The following FGGY variants were observed in gnomAD, a reference collection of about 807,000 sequenced individuals.
FGGY encodes FGGY carbohydrate kinase domain-containing protein.
A neutral mutation model predicts 71.3 loss-of-function variants in FGGY; 72 were observed. The observed-to-expected ratio is 1.01, with a 90% CI of 0.84 to 1.23. The LOEUF (loss-of-function observed/expected upper bound fraction) is 1.23. FGGY is among the 50% of genes most tolerant of loss of function. FGGY has a pLI of 0.00. For missense variants in FGGY, 668 were observed against 682.3 expected (o/e 0.98, Z 0.23); for synonymous variants, 251 against 250.3 (o/e 1.00, Z -0.02).
At chr1:59,723,570 G>A (rs899109668) in intron 14 of FGGY, among the ~76,000 whole-genome samples, 2 of 148,872 alleles carry the variant, frequency 1.3e-5, no homozygotes, top group Non-Finnish European at 3.0e-5. Context: ...TTTTGGGGGG[G>A]GGTGGTTGGG....
chr1:59,442,307 G>A (rs1406687078), intron 5 of FGGY, among the ~76,000 whole-genome samples: 1 of 152,208 alleles, frequency 6.6e-6, no homozygotes, highest in Non-Finnish European at 1.5e-5. Flanking sequence ...TTAATAGCAA[G>A]TCTGAATGTA....
chr1:59,351,998 C>A (rs963394798), intron 4 of FGGY, among the ~76,000 whole-genome samples: 25 of 152,244 alleles, frequency 1.6e-4, no homozygotes, highest in African/African-American at 5.8e-4. Flanking sequence ...ATGTCCTTTT[C>A]ATTTAAAGTT....
At position 59,525,607 on chromosome 1, in the gene FGGY, A is replaced by T. The variant is rs2094956080; in HGVS notation, c.799+13168A>T. Among the ~76,000 whole-genome samples, 5 of 152,248 alleles carry T rather than the reference A, an allele frequency of 3.3e-5. No individual in the cohort carries two copies. The South Asian group carries it at 1.0e-3, about 31-fold the overall frequency. On this transcript the variant is annotated intron_variant, in intron 7 of 15. Transcript: ENST00000303721. The stretch of plus-strand genomic sequence containing the variant: ...ATTGCAGTAAAGTTACATTATGAAT[A>T]GTAGCAGTGAGCAAGAGAAAATCAA...
In FGGY at chr1:59,388,169, G is replaced by A. The variant is rs146883593; in HGVS notation, c.554+9332G>A. On this transcript the variant is annotated intron_variant, in intron 5 of 15. Transcript: ENST00000303721. The stretch of plus-strand genomic sequence containing the variant: ...GGAGTTGGGGCAGGAAGGAAGACCC[G>A]ATTTGCCAACCCTATCTCAAGTCTA... Among the ~76,000 whole-genome samples, 8 of 152,090 alleles carry A rather than the reference G, an allele frequency of 5.3e-5. No homozygotes were observed. In the East Asian group the frequency reaches 7.7e-4, roughly 15 times the overall value.
At chr1:59,719,876 G>C (rs2097873859) in intron 14 of FGGY, among the ~76,000 whole-genome samples, 1 of 152,190 alleles carries the variant, frequency 6.6e-6, no homozygotes, top group African/African-American at 2.4e-5. Context: ...CATGACCTGT[G>C]ATTGAGTGTG....
In FGGY at chr1:59,376,754, G is replaced by T. The variant is rs534874741; in HGVS notation, c.466-1995G>T. ...GCATTGTTGCCTTTAGGTTCCCAGA[G>T]ATACTCCTATGCTTATAATTCCTTT... On this transcript the variant is annotated intron_variant, in intron 4 of 15. Coordinates refer to ENST00000303721, the MANE Select transcript of FGGY (RefSeq NM_018291.5). 1.1e-4 allele frequency among the ~76,000 whole-genome samples: 17 copies of T among 152,282 alleles called. No individual in the cohort carries two copies. The South Asian group carries it at 3.5e-3, about 32-fold the overall frequency.
In FGGY at chr1:59,457,080, A is replaced by G; in HGVS notation, c.670+4A>G. On this transcript the variant is annotated splice_donor_region_variant and intron_variant, in intron 6 of 15. Transcript: ENST00000303721. ...GCAGATAATTACAGCAAAATAGGTAAAAGAATAAAACATCTGTAGAGTGAT... is the reference window on the plus strand; with the variant it reads ...GCAGATAATTACAGCAAAATAGGTAGAAGAATAAAACATCTGTAGAGTGAT... 6.3e-7 allele frequency: 1 copy of G among 1,589,878 alleles called. No homozygotes were observed. The highest frequency in any genetic ancestry group is 8.6e-7 in the Non-Finnish European group (1 of 1,158,040).
At chr1:59,647,795 T>A (rs1162187202) in intron 11 of FGGY, among the ~76,000 whole-genome samples, 1 of 140,630 alleles carries the variant, frequency 7.1e-6, no homozygotes, top group East Asian at 2.1e-4. Context: ...ATGTGCACAT[T>A]GTGCAGGTTA....
At position 59,546,522 on chromosome 1, in the gene FGGY, TGATGATGATGATG is replaced by T. The variant is rs1558303172; in HGVS notation, c.800-7601_800-7589del. 7.3e-4 allele frequency among the ~76,000 whole-genome samples: 101 copies of T among 138,268 alleles called. No individual in the cohort carries two copies. In the Middle Eastern group the frequency reaches 0.014, roughly 19 times the overall value. 90.7% of individuals were successfully genotyped at this position (138,268 alleles called of 152,430 possible). A position where few individuals can be genotyped will look rare whatever the true frequency, so the allele number is the denominator to read the frequency against. On this transcript the variant is annotated intron_variant, in intron 7 of 15. Coordinates refer to ENST00000303721, the MANE Select transcript of FGGY (RefSeq NM_018291.5). The stretch of plus-strand genomic sequence containing the variant: ...ATGATGATGATGATGATGATGATGA[TGATGATGATGATG>T]ATTATTATTATTATTATTTGAGACG...
intron 9 of FGGY, among the ~76,000 whole-genome samples, chr1:59,614,530 A>G (rs907928370): frequency 6.6e-6 from 1 of 152,216 alleles, no homozygotes; most frequent in Admixed American, 6.5e-5. Flanking sequence ...TGACAAACCC[A>G]CAGCCAATAT....
intron 6 of FGGY, among the ~76,000 whole-genome samples, chr1:59,500,599 T>C (rs1390333848): frequency 1.4e-5 from 2 of 145,220 alleles, no homozygotes; most frequent in Non-Finnish European, 3.0e-5. Flanking sequence ...GTGCATGGAA[T>C]TAGAACTCAG....
intron 6 of FGGY, among the ~76,000 whole-genome samples, chr1:59,505,553 G>T (rs145217656): frequency 7.5e-4 from 114 of 152,262 alleles, no homozygotes; most frequent in Non-Finnish European, 1.4e-3. Flanking sequence ...AGGAAGCAGG[G>T]TCACATGCCA....
At chr1:59,432,152 C>T (rs536322615) in intron 5 of FGGY, among the ~76,000 whole-genome samples, 7 of 152,222 alleles carry the variant, frequency 4.6e-5, no homozygotes, top group African/African-American at 7.2e-5. Context: ...GGAGAGCTCC[C>T]GGGTTGGTGA....
intron 5 of FGGY, among the ~76,000 whole-genome samples, chr1:59,417,027 T>C (rs1295021607): frequency 6.6e-6 from 1 of 152,208 alleles, no homozygotes; most frequent in Non-Finnish European, 1.5e-5. Context: ...TTCTAGTATA[T>C]TCACAGGATT....
chr1:59,495,126 T>G (rs2093991909), intron 6 of FGGY, among the ~76,000 whole-genome samples: 1 of 152,244 alleles, frequency 6.6e-6, no homozygotes, highest in South Asian at 2.1e-4. Context: ...TGTTTGTTGG[T>G]TGTATGTCTT....
chr1:59,661,880 CA>C (rs1558719156), intron 12 of FGGY, among the ~76,000 whole-genome samples: 5 of 150,960 alleles, frequency 3.3e-5, no homozygotes, highest in African/African-American at 1.2e-4. Context: ...CCACCATGCC[CA>C]GCTGATTTTT....
At chr1:59,472,414 G>T (rs937060668) in intron 6 of FGGY, among the ~76,000 whole-genome samples, 5 of 152,178 alleles carry the variant, frequency 3.3e-5, no homozygotes, top group Admixed American at 3.3e-4. Context: ...GACGAGCGCC[G>T]CCCCCTGCTC....
chr1:59,388,376 A>G (rs1460256187), intron 5 of FGGY, among the ~76,000 whole-genome samples: 1 of 152,194 alleles, frequency 6.6e-6, no homozygotes, highest in Non-Finnish European at 1.5e-5. Flanking sequence ...TGATTACATG[A>G]ATTTCCCTTA....
At chr1:59,550,014 T>TTA (rs1189170128) in intron 7 of FGGY, among the ~76,000 whole-genome samples, 1 of 152,232 alleles carries the variant, frequency 6.6e-6, no homozygotes, top group East Asian at 1.9e-4. Flanking sequence ...TATTTGTTTT[T>TTA]TAGTTCAACA....
Sources: gnomAD v4.1 joint callset for allele counts (sites outside exome capture counted in the v4.1 genomes callset) on GRCh38, gnomAD v4.1.1 for gene constraint, MANE v1.5 for transcripts, NCBI Gene and HGNC (gene_info 2026-07-23, HGNC 2026-07-21) for gene names.